RIMS2: variants seen among roughly 807,000 people sequenced by gnomAD.
RIMS2 encodes regulating synaptic membrane exocytosis protein 2.
In RIMS2, 59 loss-of-function variants were observed where a neutral mutation model predicts 174.4. The ratio of observed to expected loss-of-function variants is 0.34; its 90% CI spans 0.27 to 0.42. RIMS2 has a LOEUF of 0.42. Among genes scored for constraint, RIMS2 ranks in the 10% least tolerant of loss-of-function variants. RIMS2 has a pLI of 1.00. For synonymous variants in RIMS2, 606 were observed against 572.5 expected, an observed-to-expected ratio of 1.06 and a Z score of -0.84; for missense variants, 1,620 against 1,666.3, an observed-to-expected ratio of 0.97 and a Z score of 0.48.
chr8:104,156,254 C>T (rs1191442760), intron 19 of RIMS2, among the ~76,000 whole-genome samples: 1 of 152,118 alleles, frequency 6.6e-6, no homozygotes, highest in Non-Finnish European at 1.5e-5. Context: ...GTGGGCTTTC[C>T]CTCTTAGAAG....
intron 3 of RIMS2, among the ~76,000 whole-genome samples, chr8:103,788,556 G>A (rs1239891736): frequency 1.3e-5 from 2 of 151,596 alleles, no homozygotes; most frequent in African/African-American, 4.8e-5. Context: ...TGCCCCTGCT[G>A]GGGGGTGCCT....
intron 4 of RIMS2, among the ~76,000 whole-genome samples, chr8:103,903,801 G>A (rs939400660): frequency 1.3e-5 from 2 of 152,074 alleles, no homozygotes; most frequent in Admixed American, 6.5e-5. Flanking sequence ...TTGTGATGGG[G>A]TGGTGACAGT....
intron 2 of RIMS2, among the ~76,000 whole-genome samples, chr8:103,732,766 G>T (rs1285455864): frequency 6.6e-6 from 1 of 152,090 alleles, no homozygotes; most frequent in African/African-American, 2.4e-5. Context: ...GCTGATGTTT[G>T]CTCAAGTACC....
chr8:103,964,834 G>C (rs1373281898), intron 15 of RIMS2, among the ~76,000 whole-genome samples: 1 of 152,044 alleles, frequency 6.6e-6, no homozygotes, highest in Non-Finnish European at 1.5e-5. Flanking sequence ...TTTTTGAAGA[G>C]TGTAATGTCT....
At chr8:103,916,355 G>A in intron 7 of RIMS2, 59 bp from the exon 11 acceptor site, 4 of 1,260,040 alleles carry the variant, frequency 3.2e-6, no homozygotes, top group South Asian at 1.3e-5. Context: ...ATGCTCTTAA[G>A]TGTAATTTGT....
chr8:103,586,951 G>C (rs1199706497), intron 1 of RIMS2, among the ~76,000 whole-genome samples: 1 of 151,982 alleles, frequency 6.6e-6, no homozygotes, highest in Non-Finnish European at 1.5e-5. Context: ...TGGTTACTAT[G>C]AGCTACTGTA....
intron 14 of RIMS2, among the ~76,000 whole-genome samples, chr8:103,945,943 T>C (rs1182164194): frequency 6.6e-6 from 1 of 152,158 alleles, no homozygotes; most frequent in African/African-American, 2.4e-5. Context: ...TCTCTTCTTA[T>C]CACTTCTATT....
chr8:104,181,457 T>C (rs1332138573), intron 19 of RIMS2, among the ~76,000 whole-genome samples: 1 of 151,618 alleles, frequency 6.6e-6, no homozygotes, highest in Non-Finnish European at 1.5e-5. Flanking sequence ...GTAAAATCTT[T>C]AATCTGAGCC....
chr8:103,805,920 A>G (rs1360262649), intron 3 of RIMS2, among the ~76,000 whole-genome samples: 1 of 152,120 alleles, frequency 6.6e-6, no homozygotes, highest in Non-Finnish European at 1.5e-5. Context: ...TATTTATAAT[A>G]TTCTTCATAT....
intron 19 of RIMS2, chr8:104,094,521 G>A (rs1175893109): frequency 4.3e-6 from 3 of 700,974 alleles, no homozygotes; most frequent in Non-Finnish European, 7.8e-6. Context: ...GGATAAGCAT[G>A]AAGAGATAGT....
intron 3 of RIMS2, among the ~76,000 whole-genome samples, chr8:103,773,298 T>C (rs2098273912): frequency 6.6e-6 from 1 of 152,196 alleles, no homozygotes; most frequent in Admixed American, 6.5e-5. Context: ...AAAAGATATA[T>C]AAAGCACTCT....
intron 19 of RIMS2, among the ~76,000 whole-genome samples, chr8:104,100,707 A>G (rs1033251562): frequency 3.3e-5 from 5 of 150,122 alleles, no homozygotes; most frequent in African/African-American, 4.9e-5. Flanking sequence ...TAAGAAAACA[A>G]TGTAGCCCAT....
At chr8:103,913,592 T>C (rs1211873153) in intron 6 of RIMS2, among the ~76,000 whole-genome samples, 1 of 152,120 alleles carries the variant, frequency 6.6e-6, no homozygotes, top group Admixed American at 6.6e-5. Context: ...GGGTAATTTA[T>C]AAAGAAAAGA....
chr8:104,168,814 A>G (rs1431971141), intron 19 of RIMS2, among the ~76,000 whole-genome samples: 1 of 152,084 alleles, frequency 6.6e-6, no homozygotes, highest in Non-Finnish European at 1.5e-5. Context: ...ATTTTGAGGT[A>G]TGTCACTTTT....
chr8:103,692,617 T>C (rs1358182348), intron 1 of RIMS2, among the ~76,000 whole-genome samples: 1 of 152,242 alleles, frequency 6.6e-6, no homozygotes. Flanking sequence ...TGAATCCTGC[T>C]AGGACTGGGT....
intron 1 of RIMS2, among the ~76,000 whole-genome samples, chr8:103,620,739 G>T (rs2095615099): frequency 6.6e-6 from 1 of 152,226 alleles, no homozygotes; most frequent in Admixed American, 6.5e-5. Flanking sequence ...GATAATACCA[G>T]ATAAAGGATA....
At chr8:104,226,103 C>G (rs1466444437) in intron 19 of RIMS2, among the ~76,000 whole-genome samples, 2 of 152,106 alleles carry the variant, frequency 1.3e-5, no homozygotes, top group Non-Finnish European at 2.9e-5. Context: ...GATTATGTTA[C>G]TATTATCATA....
At chr8:103,506,917 G>A (rs1823955712) in intron 1 of RIMS2, among the ~76,000 whole-genome samples, 1 of 152,110 alleles carries the variant, frequency 6.6e-6, no homozygotes, top group South Asian at 2.1e-4. Flanking sequence ...TAATCGGCAA[G>A]ATACTGATAG....
At chr8:103,530,739 A>G (rs1836649779) in intron 1 of RIMS2, among the ~76,000 whole-genome samples, 1 of 152,016 alleles carries the variant, frequency 6.6e-6, no homozygotes, top group African/African-American at 2.4e-5. Flanking sequence ...TATGCATAAT[A>G]ATATAGGCTA....
Sources: gnomAD v4.1 joint callset for allele counts (sites outside exome capture counted in the v4.1 genomes callset) on GRCh38, gnomAD v4.1.1 for gene constraint, MANE v1.5 for transcripts, NCBI Gene and HGNC (gene_info 2026-07-23, HGNC 2026-07-21) for gene names.